Variants in MARCHF1 observed in about 807,000 individuals in gnomAD.
The protein encoded by MARCHF1 is E3 ubiquitin-protein ligase MARCHF1.
MARCHF1 carries 40 observed loss-of-function variants against 54.2 expected under a neutral mutation model. That is an observed-to-expected ratio of 0.74 (90% CI 0.57 to 0.96). The LOEUF is 0.96. Ranked by LOEUF, MARCHF1 falls within the 40% of genes least tolerant of loss-of-function variation. MARCHF1 has a pLI of 0.00. For synonymous variants in MARCHF1, 236 were observed against 236.3 expected (o/e 1.00, Z 0.01); for missense variants, 586 against 656.5 (o/e 0.89, Z 1.17).
rs577140374 is a variant in MARCHF1, at chr4:163,850,361, C to G, written c.111+3660G>C. Among the ~76,000 whole-genome samples, 270 of 152,340 alleles carry G rather than the reference C, an allele frequency of 1.8e-3. 1 individual carries two copies. Among genetic ancestry groups the G allele is most frequent in the Middle Eastern group, 0.01 (3 of 294 alleles). ...GGCTTGTCCTCTAGCCTTTCAGGTT[C>G]TAACAATTCCAGCCTCCTCCCTCTG... On this transcript the variant is annotated intron_variant, in intron 4 of 9. Coordinates refer to ENST00000514618, the MANE Select transcript of MARCHF1 (RefSeq NM_001394959.1).
At chr4:163,533,689 A>ATATT (rs1738436798) in intron 9 of MARCHF1, among the ~76,000 whole-genome samples, 1 of 147,132 alleles carries the variant, frequency 6.8e-6, no homozygotes, top group East Asian at 2.0e-4. Flanking sequence ...TAATATATAT[A>ATATT]TATATATTTA....
chr4:163,586,053 AT>A, intron 7 of MARCHF1, 124 bp from the exon 8 acceptor site: 1 of 726,128 alleles, frequency 1.4e-6, no homozygotes, highest in Non-Finnish European at 2.1e-6. Context: ...ACACATGGAC[AT>A]TTTACTCCAA....
At chr4:164,155,243 C>T (rs1341129214) in intron 1 of MARCHF1, among the ~76,000 whole-genome samples, 2 of 152,068 alleles carry the variant, frequency 1.3e-5, no homozygotes, top group Admixed American at 1.3e-4. Flanking sequence ...TGCCAGGGAA[C>T]CACTCTCTTC....
At chr4:163,637,128 A>C (rs1742361631) in intron 5 of MARCHF1, among the ~76,000 whole-genome samples, 1 of 151,776 alleles carries the variant, frequency 6.6e-6, no homozygotes, top group African/African-American at 2.4e-5. Context: ...CGTTAGACCT[A>C]AAACCATAAA....
At chr4:163,637,985 C>T (rs1490352768) in intron 5 of MARCHF1, among the ~76,000 whole-genome samples, 8 of 150,142 alleles carry the variant, frequency 5.3e-5, no homozygotes, top group East Asian at 2.0e-4. Flanking sequence ...AGTAAACTAT[C>T]GCAAGAACAA....
intron 4 of MARCHF1, among the ~76,000 whole-genome samples, chr4:163,818,929 C>T (rs1249916971): frequency 6.6e-6 from 1 of 152,074 alleles, no homozygotes; most frequent in Non-Finnish European, 1.5e-5. Context: ...TGACATCCTG[C>T]TCCCTTGTCT....
chr4:164,286,725 T>A (rs1486925480), intron 1 of MARCHF1, among the ~76,000 whole-genome samples: 1 of 149,226 alleles, frequency 6.7e-6, no homozygotes, highest in African/African-American at 2.4e-5. Context: ...TATTTTATAT[T>A]TTTATATAAT....
chr4:164,244,814 A>G (rs990046117), intron 1 of MARCHF1, among the ~76,000 whole-genome samples: 1 of 152,176 alleles, frequency 6.6e-6, no homozygotes, highest in African/African-American at 2.4e-5. Flanking sequence ...GTACCATCAG[A>G]GAATACTACA....
chr4:163,911,349 C>A (rs1216710423), intron 3 of MARCHF1, among the ~76,000 whole-genome samples: 1 of 152,148 alleles, frequency 6.6e-6, no homozygotes, highest in Admixed American at 6.6e-5. Flanking sequence ...GTTCTGCTCT[C>A]TTCCCTGCAA....
At chr4:164,067,280 C>G (rs899544648) in intron 2 of MARCHF1, among the ~76,000 whole-genome samples, 1 of 151,948 alleles carries the variant, frequency 6.6e-6, no homozygotes, top group Non-Finnish European at 1.5e-5. Flanking sequence ...GTCCAAATAG[C>G]CAAAATAATT....
intron 2 of MARCHF1, among the ~76,000 whole-genome samples, chr4:164,106,238 C>G (rs1490637527): frequency 7.6e-6 from 1 of 131,132 alleles, no homozygotes; most frequent in South Asian, 2.5e-4. Flanking sequence ...ACTGGAAATA[C>G]CATTTGACCC....
chr4:163,636,714 A>G (rs1446224599), intron 5 of MARCHF1, among the ~76,000 whole-genome samples: 1 of 152,056 alleles, frequency 6.6e-6, no homozygotes, highest in Non-Finnish European at 1.5e-5. Context: ...CAAGCTACCA[A>G]TGCCTTTCTT....
At chr4:163,752,475 G>C (rs1746551619) in intron 4 of MARCHF1, among the ~76,000 whole-genome samples, 1 of 152,182 alleles carries the variant, frequency 6.6e-6, no homozygotes. Flanking sequence ...CTGTTTAGTA[G>C]TTGTGTGACT....
chr4:163,773,674 T>C (rs1261698927), intron 4 of MARCHF1, among the ~76,000 whole-genome samples: 2 of 152,176 alleles, frequency 1.3e-5, no homozygotes, highest in African/African-American at 4.8e-5. Flanking sequence ...GGGTGACACC[T>C]CATTTTTCAC....
chr4:164,169,111 A>G (rs1730459658), intron 1 of MARCHF1, among the ~76,000 whole-genome samples: 2 of 152,122 alleles, frequency 1.3e-5, no homozygotes, highest in Non-Finnish European at 2.9e-5. Flanking sequence ...AAAAAAAGTA[A>G]CTATGTGAGA....
intron 1 of MARCHF1, among the ~76,000 whole-genome samples, chr4:164,257,826 G>A (rs192635833): frequency 3.9e-5 from 6 of 152,054 alleles, no homozygotes; most frequent in Admixed American, 3.9e-4. Flanking sequence ...AATATTAGTG[G>A]GGCATGGTGG....
intron 2 of MARCHF1, among the ~76,000 whole-genome samples, chr4:164,003,727 G>C (rs921109345): frequency 3.9e-5 from 6 of 152,080 alleles, no homozygotes; most frequent in African/African-American, 1.4e-4. Context: ...AGACAGTGTG[G>C]TGATGCCCCA....
At chr4:164,306,974 C>T (rs1734712322) in intron 1 of MARCHF1, among the ~76,000 whole-genome samples, 1 of 152,030 alleles carries the variant, frequency 6.6e-6, no homozygotes, top group Non-Finnish European at 1.5e-5. Flanking sequence ...TACACTGTGG[C>T]CCTCTAGCCT....
intron 3 of MARCHF1, among the ~76,000 whole-genome samples, chr4:163,979,134 T>C (rs1181973828): frequency 6.9e-5 from 8 of 115,180 alleles, no homozygotes; most frequent in Non-Finnish European, 1.2e-4. Flanking sequence ...ACTCGTCATC[T>C]AGCATTAGGT....
Sources: gnomAD v4.1 joint callset for allele counts (sites outside exome capture counted in the v4.1 genomes callset) on GRCh38, gnomAD v4.1.1 for gene constraint, MANE v1.5 for transcripts, NCBI Gene and HGNC (gene_info 2026-07-23, HGNC 2026-07-21) for gene names.